The following EFCAB6 variants were observed in gnomAD, a reference collection of about 807,000 sequenced individuals.
EFCAB6 encodes EF-hand calcium binding domain 6, also known as EF-hand calcium-binding domain-containing protein 6.
In EFCAB6, 156 loss-of-function variants were observed where a neutral mutation model predicts 169.8. The ratio of observed to expected loss-of-function variants is 0.92; its 90% CI spans 0.81 to 1.05. The LOEUF (loss-of-function observed/expected upper bound fraction) is 1.05. EFCAB6 is among the 50% of genes least tolerant of loss of function. EFCAB6 has a pLI of 0.00. For missense variants in EFCAB6, 1,800 were observed against 1,829.1 expected (o/e 0.98, Z 0.29); for synonymous variants, 698 against 676.4 (o/e 1.03, Z -0.50).
At chr22:43,742,309 C>A (rs749717932) in intron 6 of EFCAB6, among the ~76,000 whole-genome samples, 2 of 152,202 alleles carry the variant, frequency 1.3e-5, no homozygotes, top group African/African-American at 2.4e-5. Flanking sequence ...CACACAGCCA[C>A]GCCCACTCAT....
chr22:43,626,535 G>A lies in EFCAB6; in HGVS notation c.2377C>T (p.Leu793Phe), dbSNP rs1215310264. 1 of 1,614,150 alleles carries A rather than the reference G, an allele frequency of 6.2e-7. No homozygotes were observed. Among genetic ancestry groups the A allele is most frequent in the Non-Finnish European group, 8.5e-7 (1 of 1,180,042 alleles). The change falls in exon 20 of 32, where the codon CTT becomes TTT. Residue 793 changes from leucine (L) to phenylalanine (F), a missense_variant. Coordinates refer to ENST00000262726, the MANE Select transcript of EFCAB6 (RefSeq NM_022785.4). Reference protein sequence around the residue: ...ERFLGLLGLRLSVTLNFREFQ... With the variant: ...ERFLGLLGLRFSVTLNFREFQ... ...TCCCGAAAATTTAAAGTGACACTAA[G>A]TCTCAAGCCAAGAAGGCCAAGGAAG...
intron 11 of EFCAB6, among the ~76,000 whole-genome samples, chr22:43,684,494 T>A (rs2058115283): frequency 6.6e-6 from 1 of 152,162 alleles, no homozygotes; most frequent in Non-Finnish European, 1.5e-5. Context: ...CAGAATCTCA[T>A]CACAATATAC....
Position 43,632,167 on chromosome 22 carries a change from G to C in EFCAB6, c.2170C>G (p.His724Asp). 2.5e-6 allele frequency: 4 copies of C among 1,614,218 alleles called. No homozygotes were observed. The highest frequency in any genetic ancestry group is 3.4e-6 in the Non-Finnish European group (4 of 1,180,038). The stretch of plus-strand genomic sequence containing the variant: ...AGGCATTCTTCTGCGGTGATAAAGT[G>C]GCTGTTCACGTAACTTTTTGAAGGA... The part of the protein sequence containing the change: ...PTPSKSYVNS[H>D]FITAEECLKL... Residue 724 changes from histidine (H) to aspartate (D), a missense_variant, in exon 19 of 32, where the codon CAC (histidine) becomes GAC (aspartate). By Grantham distance (81) the His-to-Asp change is moderately conservative (BLOSUM62 -1). Coordinates refer to ENST00000262726, the MANE Select transcript of EFCAB6 (RefSeq NM_022785.4).
At chr22:43,630,494 G>A (rs994783119) in intron 19 of EFCAB6, among the ~76,000 whole-genome samples, 2 of 152,238 alleles carry the variant, frequency 1.3e-5, no homozygotes, top group African/African-American at 4.8e-5. Flanking sequence ...GGCTTCCCAC[G>A]GCCTCCACTG....
At chr22:43,758,422 GT>G (rs2061034752) in intron 5 of EFCAB6, among the ~76,000 whole-genome samples, 1 of 152,060 alleles carries the variant, frequency 6.6e-6, no homozygotes, top group East Asian at 1.9e-4. Flanking sequence ...TTCTTTAGCA[GT>G]TACCCTAAAA....
chr22:43,549,866 C>G (rs2048284155), intron 27 of EFCAB6, among the ~76,000 whole-genome samples: 1 of 152,188 alleles, frequency 6.6e-6, no homozygotes, highest in Non-Finnish European at 1.5e-5. Flanking sequence ...ATCAGAAAGT[C>G]CGTTAATGTA....
chr22:43,649,483 G>A (rs1259075670), intron 17 of EFCAB6, among the ~76,000 whole-genome samples: 1 of 152,076 alleles, frequency 6.6e-6, no homozygotes, highest in Non-Finnish European at 1.5e-5. Flanking sequence ...AAAGCAAATA[G>A]ATAACATGTT....
intron 6 of EFCAB6, among the ~76,000 whole-genome samples, chr22:43,748,431 T>C (rs1027426336): frequency 3.6e-4 from 55 of 152,254 alleles, no homozygotes; most frequent in Middle Eastern, 3.4e-3. Context: ...CTCATGTCCT[T>C]TTCTTAGGCC....
chr22:43,810,648 G>A (rs1336944381), intron 1 of EFCAB6, among the ~76,000 whole-genome samples: 4 of 152,132 alleles, frequency 2.6e-5, no homozygotes, highest in African/African-American at 9.7e-5. Flanking sequence ...TCTGTACAAG[G>A]GGAAGAGGTA....
intron 19 of EFCAB6, among the ~76,000 whole-genome samples, chr22:43,627,638 C>T (rs1022396206): frequency 2.0e-5 from 3 of 152,204 alleles, no homozygotes; most frequent in Non-Finnish European, 4.4e-5. Flanking sequence ...CTTCCCGGGT[C>T]TCAGGCCTGA....
chr22:43,623,666 T>A (rs895284895), intron 20 of EFCAB6, among the ~76,000 whole-genome samples: 1 of 142,148 alleles, frequency 7.0e-6, no homozygotes, highest in Non-Finnish European at 1.5e-5. Flanking sequence ...GAGGCCAAGG[T>A]GGGCGTATCA....
chr22:43,571,624 C>T (rs967163478), intron 26 of EFCAB6, among the ~76,000 whole-genome samples: 4 of 152,144 alleles, frequency 2.6e-5, no homozygotes, highest in East Asian at 1.9e-4. Context: ...CTGGCTCGCT[C>T]GCTCAGGAGT....
chr22:43,706,000 A>C lies in EFCAB6; in HGVS notation c.1031+5475T>G, dbSNP rs559807374. ...CAAATATTTACCTAGACTAAGATAA[A>C]AGGAAATGAAAGAGGAGATATTATA... On this transcript the variant is annotated intron_variant, in intron 10 of 31. Coordinates refer to ENST00000262726, the MANE Select transcript of EFCAB6 (RefSeq NM_022785.4). 2.0e-5 allele frequency among the ~76,000 whole-genome samples: 3 copies of C among 152,338 alleles called. No homozygotes were observed. In the South Asian group the frequency reaches 6.2e-4, roughly 32 times the overall value.
Position 43,540,158 on chromosome 22 carries a change from C to T in EFCAB6, c.3848G>A (p.Arg1283Lys), listed in dbSNP as rs1262676838. Residue 1283 changes from arginine (R) to lysine (K), a missense_variant, in exon 28 of 32, where the codon AGA becomes AAA. Arg to Lys is a conservative substitution (Grantham distance 26). Coordinates refer to ENST00000262726, the MANE Select transcript of EFCAB6 (RefSeq NM_022785.4). Reference sequence around the variant, plus strand: ...GTGGCTCTGCGACTTTGACCCTGGTCTCAGCTCCTGAGTGGGCAATGAGAG... The same window carrying T: ...GTGGCTCTGCGACTTTGACCCTGGTTTCAGCTCCTGAGTGGGCAATGAGAG... ...SALSLPTQEL[R>K]PGSKSQSHPC... is the part of the protein sequence containing the mutation. 1.9e-6 allele frequency: 3 copies of T among 1,614,164 alleles called. No individual in the cohort carries two copies. The highest frequency in any genetic ancestry group is 1.7e-5 in the Admixed American group (1 of 60,030).
chr22:43,734,277 T>C (rs918397379), intron 7 of EFCAB6, among the ~76,000 whole-genome samples: 1 of 152,228 alleles, frequency 6.6e-6, no homozygotes, highest in African/African-American at 2.4e-5. Context: ...GAGTATATTC[T>C]TGAGCTTCAA....
At chr22:43,541,667 G>A (rs994464031) in intron 27 of EFCAB6, among the ~76,000 whole-genome samples, 1 of 152,210 alleles carries the variant, frequency 6.6e-6, no homozygotes, top group East Asian at 1.9e-4. Context: ...CCGGCACCAA[G>A]TACAGTAACC....
At chr22:43,669,585 T>C (rs2057400035) in intron 15 of EFCAB6, among the ~76,000 whole-genome samples, 1 of 152,158 alleles carries the variant, frequency 6.6e-6, no homozygotes, top group Non-Finnish European at 1.5e-5. Flanking sequence ...TGATGATGAA[T>C]TGCTAAAGGG....
chr22:43,706,248 G>A (rs1448580745), intron 10 of EFCAB6, among the ~76,000 whole-genome samples: 1 of 152,226 alleles, frequency 6.6e-6, no homozygotes, highest in Non-Finnish European at 1.5e-5. Context: ...CTTGGAGCCA[G>A]GGGCCTGCTC....
In EFCAB6 at chr22:43,716,867, T is replaced by G; in HGVS notation, c.863A>C (p.Glu288Ala). 6.2e-7 allele frequency: 1 copy of G among 1,604,170 alleles called. No homozygotes were observed. The highest frequency in any genetic ancestry group is 8.5e-7 in the Non-Finnish European group (1 of 1,175,704). ...TCTTACTTGTAGACAAAAGTTCCTCTCAATTTCATCCAAGGAGTAGTTTCT... is the reference window on the plus strand; with the variant it reads ...TCTTACTTGTAGACAAAAGTTCCTCGCAATTTCATCCAAGGAGTAGTTTCT... Reference protein sequence around the residue: ...IWRNYSLDEIERNFCLQLSKS... With the variant: ...IWRNYSLDEIARNFCLQLSKS... The change falls in exon 9 of 32, where the codon GAG becomes GCG. Residue 288 changes from glutamate to alanine, a missense_variant. Glu to Ala is a moderately radical substitution (Grantham distance 107). Transcript: ENST00000262726.
Sources: allele counts gnomAD v4.1 joint callset (sites outside exome capture counted in the v4.1 genomes callset), GRCh38; gene constraint gnomAD v4.1.1; transcripts MANE v1.5; gene names NCBI Gene and HGNC (gene_info 2026-07-23, HGNC 2026-07-21).